Variants in SLX4IP observed in about 807,000 individuals in gnomAD.
The protein encoded by SLX4IP is protein SLX4IP.
SLX4IP carries 34 observed loss-of-function variants against 32.9 expected under a neutral mutation model. The ratio of observed to expected loss-of-function variants is 1.03; its 90% CI spans 0.79 to 1.38. The LOEUF is 1.38. Among genes scored for constraint, SLX4IP ranks in the 40% most tolerant of loss-of-function variants. The pLI is 0.00. For missense variants in SLX4IP, 444 were observed against 479.0 expected (o/e 0.93, Z 0.68); for synonymous variants, 172 against 171.7 (o/e 1.00, Z -0.01).
chr20:10,496,889 G>A (rs2065672665), intron 2 of SLX4IP, among the ~76,000 whole-genome samples: 1 of 152,182 alleles, frequency 6.6e-6, no homozygotes, highest in Non-Finnish European at 1.5e-5. Context: ...AAATTCTAAA[G>A]TCATTCAGTA....
At chr20:10,621,464 G>A (rs2067111891) in intron 7 of SLX4IP, 50 bp downstream of exon 7, 3 of 1,501,010 alleles carry the variant, frequency 2.0e-6, no homozygotes, top group Non-Finnish European at 2.8e-6. Flanking sequence ...CTCTATGTAT[G>A]GATAGATAAC....
chr20:10,451,356 T>G (rs2065240568), intron 1 of SLX4IP, among the ~76,000 whole-genome samples: 1 of 152,032 alleles, frequency 6.6e-6, no homozygotes, highest in Non-Finnish European at 1.5e-5. Flanking sequence ...AGATGGGGTT[T>G]CACCATGTTG....
In SLX4IP at chr20:10,556,260, T is replaced by G; in HGVS notation, c.57T>G (p.Leu19=). ...KCGNFAVLVD[L]HILPQGSNKD... ...GGAATTTTGCTGTCCTCGTGGATCTTCATATCTTGCCACAAGGTTCAAACA... is the reference window on the plus strand; with the variant it reads ...GGAATTTTGCTGTCCTCGTGGATCTGCATATCTTGCCACAAGGTTCAAACA... The change falls in exon 3 of 8, where the codon CTT becomes CTG. Residue 19 remains leucine, a synonymous_variant. Transcript: ENST00000334534. The G allele has an allele frequency of 6.2e-7, 1 of 1,613,652 alleles. No individual in the cohort carries two copies. The highest frequency in any genetic ancestry group is 8.5e-7 in the Non-Finnish European group (1 of 1,179,826).
At chr20:10,598,491 T>C (rs1050514047) in intron 4 of SLX4IP, among the ~76,000 whole-genome samples, 184 bp from the exon 5 acceptor site, 7 of 152,234 alleles carry the variant, frequency 4.6e-5, no homozygotes, top group Admixed American at 2.6e-4. Flanking sequence ...CTCGAACTCC[T>C]GACCTCAAGT....
intron 2 of SLX4IP, among the ~76,000 whole-genome samples, chr20:10,461,808 C>T (rs115349794): frequency 2.3e-4 from 35 of 152,278 alleles, no homozygotes; most frequent in African/African-American, 8.4e-4. Context: ...AACAGGATCT[C>T]ACTCAGTCGC....
intron 2 of SLX4IP, among the ~76,000 whole-genome samples, chr20:10,469,835 G>T (rs755076012): frequency 6.6e-6 from 1 of 152,160 alleles, no homozygotes; most frequent in Non-Finnish European, 1.5e-5. Flanking sequence ...TTTGCCTGGT[G>T]GTTGTATGTG....
chr20:10,444,954 A>C (rs1224125199), intron 1 of SLX4IP, among the ~76,000 whole-genome samples: 1 of 152,176 alleles, frequency 6.6e-6, no homozygotes, highest in East Asian at 1.9e-4. Context: ...GGGCCCATCC[A>C]TGACTGTCAT....
chr20:10,537,931 T>C (rs1281355826), intron 2 of SLX4IP, among the ~76,000 whole-genome samples: 1 of 152,194 alleles, frequency 6.6e-6, no homozygotes, highest in Non-Finnish European at 1.5e-5. Flanking sequence ...CTTCTTTCAT[T>C]GATTTAGGCC....
At chr20:10,538,698 TG>T (rs1479188932) in intron 2 of SLX4IP, among the ~76,000 whole-genome samples, 2 of 152,140 alleles carry the variant, frequency 1.3e-5, no homozygotes, top group African/African-American at 4.8e-5. Context: ...GCTAATTTTT[TG>T]TATTTTTAAT....
At chr20:10,539,100 T>C (rs890779733) in intron 2 of SLX4IP, among the ~76,000 whole-genome samples, 2 of 152,174 alleles carry the variant, frequency 1.3e-5, no homozygotes, top group African/African-American at 4.8e-5. Flanking sequence ...CTTTATTTCA[T>C]AAGAATAACT....
chr20:10,451,740 G>T (rs552811079), intron 1 of SLX4IP, among the ~76,000 whole-genome samples: 11 of 151,514 alleles, frequency 7.3e-5, no homozygotes, highest in African/African-American at 2.4e-4. Flanking sequence ...AGGCCGAGGC[G>T]GGTGAATCAT....
chr20:10,617,729 G>T (rs1257075783), intron 6 of SLX4IP, among the ~76,000 whole-genome samples: 2 of 147,578 alleles, frequency 1.4e-5, no homozygotes, highest in African/African-American at 5.0e-5. Flanking sequence ...GCTTACTGCG[G>T]CCTTGACCTC....
rs940330103 is a variant in SLX4IP at position 10,461,987 on chromosome 20, C to T, written c.27+3756C>T. On this transcript the variant is annotated intron_variant, in intron 2 of 7. Transcript: ENST00000334534. ...TTTTTGTAGAGATGGAGTCTCAGAGCGAAAAAGGAAGGTATTACATATAAC... is the reference window on the plus strand; with the variant it reads ...TTTTTGTAGAGATGGAGTCTCAGAGTGAAAAAGGAAGGTATTACATATAAC... 3.3e-5 allele frequency among the ~76,000 whole-genome samples: 5 copies of T among 151,348 alleles called. No homozygotes were observed. The Middle Eastern group carries it at 0.014, about 412-fold the overall frequency.
At chr20:10,568,106 G>C (rs1392551658) in intron 4 of SLX4IP, among the ~76,000 whole-genome samples, 2 of 152,196 alleles carry the variant, frequency 1.3e-5, no homozygotes, top group Non-Finnish European at 2.9e-5. Context: ...TGTGCACCAG[G>C]CCATTGTACA....
At chr20:10,529,063 T>G (rs547468172) in intron 2 of SLX4IP, among the ~76,000 whole-genome samples, 1 of 152,348 alleles carries the variant, frequency 6.6e-6, no homozygotes, top group East Asian at 1.9e-4. Context: ...CTGTTTGCTT[T>G]CCATATTCTC....
rs1301235057 is a variant in SLX4IP, at chr20:10,518,453, TC to T, written c.28-37776del. On this transcript the variant is annotated intron_variant, in intron 2 of 7. Transcript: ENST00000334534. Reference sequence around the variant, plus strand: ...CCTCCCTCCTTCTTCCTTCCTTCCTTCCTTCCTTCCTTTCCTTTCTTTTCCT... The same window carrying T: ...CCTCCCTCCTTCTTCCTTCCTTCCTTCTTCCTTCCTTTCCTTTCTTTTCCT... Among the ~76,000 whole-genome samples, 306 of 57,756 alleles carry T rather than the reference TC, an allele frequency of 5.3e-3. 4 individuals carry two copies. The highest frequency in any genetic ancestry group is 0.014 in the African/African-American group (287 of 21,048). The allele number at this position is 57,756 out of a possible 152,430, so 37.9% of individuals were successfully genotyped here. A position where few individuals can be genotyped will look rare whatever the true frequency, so the allele number is the denominator to read the frequency against.
intron 2 of SLX4IP, among the ~76,000 whole-genome samples, chr20:10,551,915 TA>T (rs1344014543): frequency 2.8e-4 from 43 of 152,310 alleles, no homozygotes; most frequent in South Asian, 6.2e-4. Flanking sequence ...ATTTCCCAGA[TA>T]TGCATTGAGG....
intron 3 of SLX4IP, among the ~76,000 whole-genome samples, chr20:10,558,428 T>C (rs2066293029): frequency 2.0e-5 from 3 of 152,048 alleles, no homozygotes; most frequent in Non-Finnish European, 1.5e-5. Context: ...GAAAAGCTAG[T>C]TGAAGAAAGG....
intron 2 of SLX4IP, among the ~76,000 whole-genome samples, chr20:10,513,548 C>T (rs866377268): frequency 6.6e-6 from 1 of 152,152 alleles, no homozygotes; most frequent in Admixed American, 6.5e-5. Context: ...AATCCTTAGG[C>T]CTGCTGGTTA....
Sources: gnomAD v4.1 joint callset for allele counts (sites outside exome capture counted in the v4.1 genomes callset) on GRCh38, gnomAD v4.1.1 for gene constraint, MANE v1.5 for transcripts, NCBI Gene and HGNC (gene_info 2026-07-23, HGNC 2026-07-21) for gene names.